The following RNF38 variants were observed in gnomAD, a reference collection of about 807,000 sequenced individuals.
RNF38 encodes ring finger protein 38.
A neutral mutation model predicts 67.2 loss-of-function variants in RNF38; 15 were observed. The observed-to-expected ratio is 0.22, with a 90% CI of 0.15 to 0.34. The LOEUF (loss-of-function observed/expected upper bound fraction) is 0.34. Among genes scored for constraint, RNF38 ranks in the 10% least tolerant of loss-of-function variants. The pLI is 1.00. For missense variants in RNF38, 524 were observed against 639.9 expected (o/e 0.82, Z 1.95); for synonymous variants, 220 against 218.8 (o/e 1.01, Z -0.05).
chr9:36,344,009 CT>C (rs1345096832), intron 10 of RNF38, among the ~76,000 whole-genome samples: 1 of 152,066 alleles, frequency 6.6e-6, no homozygotes, highest in Non-Finnish European at 1.5e-5. Flanking sequence ...CTGAATTGTA[CT>C]TTTTAAATTA....
chr9:36,364,492 T>C (rs1367231139), intron 4 of RNF38, among the ~76,000 whole-genome samples: 2 of 152,210 alleles, frequency 1.3e-5, no homozygotes, highest in Admixed American at 6.5e-5. Context: ...TATGGTATTA[T>C]AAACTTACGA....
intron 2 of RNF38, among the ~76,000 whole-genome samples, chr9:36,416,383 T>C (rs910023215): frequency 6.6e-6 from 1 of 152,084 alleles, no homozygotes; most frequent in Non-Finnish European, 1.5e-5. Context: ...AGTCCCACCA[T>C]GCCCTGACAA....
intron 2 of RNF38, among the ~76,000 whole-genome samples, chr9:36,413,060 G>T (rs1348224673): frequency 1.3e-5 from 2 of 151,540 alleles, no homozygotes; most frequent in Admixed American, 6.6e-5. Flanking sequence ...CAACAAGAGC[G>T]AGAGTCCATC....
chr9:36,375,815 C>T (rs139721218), intron 3 of RNF38, 119 bp downstream of exon 3: 3 of 847,956 alleles, frequency 3.5e-6, no homozygotes, highest in Middle Eastern at 2.4e-4. Context: ...AGTGAATGTA[C>T]GTGTATATGT....
chr9:36,418,986 A>G (rs1200852346), intron 2 of RNF38, among the ~76,000 whole-genome samples: 1 of 152,162 alleles, frequency 6.6e-6, no homozygotes, highest in Non-Finnish European at 1.5e-5. Context: ...TAAATACTAA[A>G]AAGTAAAAAG....
upstream of RNF38, chr9:36,401,317 TGCCCTGCG>T: frequency 1.5e-6 from 1 of 678,156 alleles, no homozygotes; most frequent in Non-Finnish European, 1.8e-6. Context: ...CGCCCCCCGC[TGCCCTGCG>T]GACCGCAGGG....
At chr9:36,448,715 C>A (rs2134325453) in intron 1 of RNF38, among the ~76,000 whole-genome samples, 1 of 152,200 alleles carries the variant, frequency 6.6e-6, no homozygotes, top group Middle Eastern at 3.4e-3. Flanking sequence ...TTGAAACAGA[C>A]CCAAATGGGC....
intron 3 of RNF38, among the ~76,000 whole-genome samples, chr9:36,374,718 G>A (rs147385603): frequency 3.5e-4 from 54 of 152,304 alleles, no homozygotes; most frequent in African/African-American, 1.2e-3. Context: ...TCCTGACCTC[G>A]TGATCCGCCA....
upstream of RNF38, chr9:36,401,064 GCCCGTCCCAC>G (rs1207122610): frequency 3.5e-5 from 34 of 984,722 alleles, no homozygotes; most frequent in East Asian, 1.0e-3. Context: ...GGTCCGGGTC[GCCCGTCCCAC>G]CCCGTCCCCT....
At chr9:36,391,885 T>C (rs1156301740) in intron 1 of RNF38, among the ~76,000 whole-genome samples, 1 of 152,174 alleles carries the variant, frequency 6.6e-6, no homozygotes, top group Non-Finnish European at 1.5e-5. Context: ...AGTGCTGGGA[T>C]TACAGGCGTG....
chr9:36,465,909 G>A (rs1336750260), intron 1 of RNF38, among the ~76,000 whole-genome samples: 5 of 152,142 alleles, frequency 3.3e-5, no homozygotes, highest in South Asian at 2.1e-4. Context: ...AAAATTAGCC[G>A]GGCATGGTGG....
At chr9:36,407,394 A>C (rs1838208452) in intron 2 of RNF38, among the ~76,000 whole-genome samples, 1 of 152,290 alleles carries the variant, frequency 6.6e-6, no homozygotes, top group Non-Finnish European at 1.5e-5. Flanking sequence ...GGGCAAGCTC[A>C]TGGTAGTGAA....
chr9:36,425,431 G>C (rs1041667453), intron 1 of RNF38, among the ~76,000 whole-genome samples: 1 of 152,140 alleles, frequency 6.6e-6, no homozygotes, highest in African/African-American at 2.4e-5. Context: ...CAGTGGCTTA[G>C]GCCTGTAATC....
chr9:36,377,459 A>G (rs1300706806), intron 2 of RNF38, among the ~76,000 whole-genome samples: 2 of 152,248 alleles, frequency 1.3e-5, no homozygotes, highest in Non-Finnish European at 2.9e-5. Context: ...GATCTTTCCA[A>G]ATTACTTAGC....
At chr9:36,401,001 AG>A, upstream of RNF38, 1 of 981,722 alleles carries the variant, frequency 1.0e-6, no homozygotes, top group Non-Finnish European at 1.2e-6. Context: ...CTGCGCGCGC[AG>A]GCGACTCCCC....
intron 2 of RNF38, among the ~76,000 whole-genome samples, chr9:36,389,448 G>C (rs1366786792): frequency 1.3e-5 from 2 of 151,872 alleles, no homozygotes; most frequent in African/African-American, 4.8e-5. Context: ...AGTTAGATTG[G>C]AGCCCCTTCT....
upstream of RNF38, chr9:36,487,642 G>C (rs1840454261): frequency 2.1e-6 from 2 of 937,324 alleles, no homozygotes; most frequent in East Asian, 1.2e-4. Context: ...GGCAGCAGCG[G>C]TGGCGGCGAC....
upstream of RNF38, chr9:36,487,603 G>A (rs1292106597): frequency 3.1e-6 from 3 of 980,182 alleles, no homozygotes; most frequent in South Asian, 9.1e-5. Flanking sequence ...CTCGACTCCG[G>A]CGCGGCAGGC....
At chr9:36,420,608 A>G (rs781518677) in intron 2 of RNF38, among the ~76,000 whole-genome samples, 3 of 151,244 alleles carry the variant, frequency 2.0e-5, no homozygotes, top group Non-Finnish European at 4.4e-5. Context: ...TCTTCACAAC[A>G]CAAATAATCA....
Sources: allele counts gnomAD v4.1 joint callset (sites outside exome capture counted in the v4.1 genomes callset), GRCh38; gene constraint gnomAD v4.1.1; transcripts MANE v1.5; gene names NCBI Gene and HGNC (gene_info 2026-07-23, HGNC 2026-07-21).